Variants in SLC26A7 observed in about 807,000 individuals in gnomAD.
SLC26A7 encodes anion exchange transporter.
Under a neutral mutation model 82.5 loss-of-function variants are expected in SLC26A7, and 59 were observed. The ratio of observed to expected loss-of-function variants is 0.72; its 90% CI spans 0.58 to 0.89. The LOEUF is 0.89. Among genes scored for constraint, SLC26A7 ranks in the 40% least tolerant of loss-of-function variants. The pLI is 0.00. For missense variants in SLC26A7, 820 were observed against 793.0 expected, an observed-to-expected ratio of 1.03 and a Z score of -0.41; for synonymous variants, 271 against 274.3, an observed-to-expected ratio of 0.99 and a Z score of 0.12.
chr8:91,317,217 C>G (rs1427290616), intron 4 of SLC26A7, among the ~76,000 whole-genome samples: 8 of 151,810 alleles, frequency 5.3e-5, no homozygotes, highest in Non-Finnish European at 1.0e-4. Context: ...ATTCCTGTCA[C>G]CTTTTGCCCA....
At chr8:91,356,106 A>C (rs532007050) in intron 11 of SLC26A7, among the ~76,000 whole-genome samples, 1 of 152,116 alleles carries the variant, frequency 6.6e-6, no homozygotes, top group East Asian at 1.9e-4. Flanking sequence ...CATGTGCCAC[A>C]TTTTCTTAAT....
At chr8:91,276,069 T>C (rs1811398408) in intron 2 of SLC26A7, among the ~76,000 whole-genome samples, 1 of 152,220 alleles carries the variant, frequency 6.6e-6, no homozygotes, top group Non-Finnish European at 1.5e-5. Context: ...TTTGAATTAA[T>C]TAAACAATCA....
rs754539742 is a variant in SLC26A7 at position 91,394,230 on chromosome 8, CTGT to C, written c.1935+196_1935+198del. 209 of 1,613,186 alleles carry C rather than the reference CTGT, an allele frequency of 1.3e-4. No homozygotes were observed. The Admixed American group carries it at 3.5e-3, about 27-fold the overall frequency. On this transcript the variant is annotated intron_variant, in intron 18 of 18. Transcript: ENST00000276609. ...ATTCTTTTTTTAGGCCAGTTATAAA[CTGT>C]TGTTTGATAACTTGGATCTTCCAAC... is the stretch of plus-strand genomic sequence containing the variant.
At chr8:91,322,055 G>A (rs1277215954) in intron 5 of SLC26A7, among the ~76,000 whole-genome samples, 1 of 151,910 alleles carries the variant, frequency 6.6e-6, no homozygotes, top group Admixed American at 6.6e-5. Context: ...TTTTTTAAGT[G>A]TCATTTAAGT....
intron 1 of SLC26A7, 44 bp from the exon 2 acceptor site, chr8:91,249,495 A>ATCTC (rs374824026): frequency 5.6e-5 from 25 of 448,050 alleles, no homozygotes; most frequent in Non-Finnish European, 8.0e-5. Context: ...GCTTCTGTTA[A>ATCTC]TCTCTCTCTC....
intron 2 of SLC26A7, among the ~76,000 whole-genome samples, chr8:91,259,379 A>G (rs1349715970): frequency 6.6e-6 from 1 of 152,124 alleles, no homozygotes; most frequent in Non-Finnish European, 1.5e-5. Context: ...GCTCTAGAAC[A>G]GATGTTCTCA....
In SLC26A7 at chr8:91,346,667, T is replaced by C. The variant is rs141829688; in HGVS notation, c.1140+3201T>C. Among the ~76,000 whole-genome samples the C allele has an allele frequency of 5.3e-5, 8 of 152,298 alleles. No homozygotes were observed. The East Asian group carries it at 1.5e-3, about 29-fold the overall frequency. On this transcript the variant is annotated intron_variant, in intron 9 of 18. Coordinates refer to ENST00000276609, the MANE Select transcript of SLC26A7 (RefSeq NM_052832.4). ...TCTGTGGAAAGTTATCTTTACAAAA[T>C]GCAAATGTGGTCATGTTATTTTTGC...
chr8:91,389,464 C>T (rs1814894488), intron 16 of SLC26A7, 26 bp downstream of exon 16: 21 of 1,533,924 alleles, frequency 1.4e-5, no homozygotes, highest in Non-Finnish European at 1.8e-5. Context: ...GTGTTTAGAA[C>T]TGTTTCTTCC....
chr8:91,255,329 A>C (rs140103752), intron 2 of SLC26A7, among the ~76,000 whole-genome samples: 371 of 152,244 alleles, frequency 2.4e-3, no homozygotes, highest in African/African-American at 8.5e-3. Flanking sequence ...TTGTGTGTGG[A>C]AGCTGAGCTT....
chr8:91,352,944 T>C lies in SLC26A7; in HGVS notation c.1262T>C (p.Leu421Pro). 6.2e-7 allele frequency: 1 copy of C among 1,609,160 alleles called. No individual in the cohort carries two copies. The highest frequency in any genetic ancestry group is 8.5e-7 in the Non-Finnish European group (1 of 1,177,620). ...ATTGTTGTGGGACTGAAGGGAATGC[T>C]AATACAGTTCCGAGATTTAAAAAAA... Reference protein sequence around the residue: ...SIIVVGLKGMLIQFRDLKKYW... With the variant: ...SIIVVGLKGMPIQFRDLKKYW... The change falls in exon 11 of 19, where the codon CTA becomes CCA. Residue 421 changes from leucine (L) to proline (P), a missense_variant. By Grantham distance (98) the Leu-to-Pro change is moderately conservative. Coordinates refer to ENST00000276609, the MANE Select transcript of SLC26A7 (RefSeq NM_052832.4).
At chr8:91,363,610 C>G in intron 13 of SLC26A7, 72 bp downstream of exon 13, 1 of 844,614 alleles carries the variant, frequency 1.2e-6, no homozygotes, top group Non-Finnish European at 1.8e-6. Context: ...TAAGACATCA[C>G]AAAAATTAGA....
At chr8:91,251,060 C>T (rs1810643668) in intron 2 of SLC26A7, among the ~76,000 whole-genome samples, 1 of 151,586 alleles carries the variant, frequency 6.6e-6, no homozygotes, top group Non-Finnish European at 1.5e-5. Flanking sequence ...TTTTTTTTAA[C>T]CAGATAGTTT....
intron 15 of SLC26A7, among the ~76,000 whole-genome samples, chr8:91,380,874 T>C (rs889436624): frequency 6.6e-6 from 1 of 152,210 alleles, no homozygotes; most frequent in Non-Finnish European, 1.5e-5. Context: ...TGTCCAAACC[T>C]GGAAATAACT....
At chr8:91,385,107 C>T (rs1814764855) in intron 15 of SLC26A7, among the ~76,000 whole-genome samples, 3 of 152,130 alleles carry the variant, frequency 2.0e-5, no homozygotes, top group African/African-American at 7.2e-5. Flanking sequence ...TAATTACCCA[C>T]CCACACCTGA....
chr8:91,270,704 A>G (rs1316905300), intron 2 of SLC26A7, among the ~76,000 whole-genome samples: 1 of 152,190 alleles, frequency 6.6e-6, no homozygotes, highest in Non-Finnish European at 1.5e-5. Context: ...TTACAGAGGA[A>G]GTTACTAGGA....
At chr8:91,371,142 A>T (rs971267684) in intron 15 of SLC26A7, among the ~76,000 whole-genome samples, 1 of 151,936 alleles carries the variant, frequency 6.6e-6, no homozygotes, top group Admixed American at 6.6e-5. Context: ...AAATAGCATT[A>T]TACATTTTTC....
At chr8:91,393,336 T>G (rs965299636) in intron 16 of SLC26A7, among the ~76,000 whole-genome samples, 9 of 152,118 alleles carry the variant, frequency 5.9e-5, no homozygotes, top group Admixed American at 2.0e-4. Flanking sequence ...GTAATCAAAC[T>G]TGGCTTGGAT....
At chr8:91,372,776 A>C (rs1045476525) in intron 15 of SLC26A7, among the ~76,000 whole-genome samples, 1 of 151,430 alleles carries the variant, frequency 6.6e-6, no homozygotes, top group Non-Finnish European at 1.5e-5. Context: ...AAAGTGATAT[A>C]ATGTGTTAGG....
At position 91,334,301 on chromosome 8, in the gene SLC26A7, G is replaced by T; in HGVS notation, c.649G>T (p.Ala217Ser). 1 of 1,608,628 alleles carries T rather than the reference G, an allele frequency of 6.2e-7. No individual in the cohort carries two copies. Among genetic ancestry groups the T allele is most frequent in the Non-Finnish European group, 8.5e-7 (1 of 1,177,598 alleles). The stretch of plus-strand genomic sequence containing the variant: ...TTTTTTCTCATTACTGTAGATTTAT[G>T]CATATGTTTTTGAAAACATCAAGTC... ...SGPLGFFYIY[A>S]YVFENIKSVR... The change falls in exon 6 of 19, where the codon GCA becomes TCA. Residue 217 changes from alanine (A) to serine (S), a missense_variant. By Grantham distance (99) the Ala-to-Ser change is moderately conservative (BLOSUM62 1). Coordinates refer to ENST00000276609, the MANE Select transcript of SLC26A7 (RefSeq NM_052832.4).
Sources: gnomAD v4.1 joint callset for allele counts (sites outside exome capture counted in the v4.1 genomes callset) on GRCh38, gnomAD v4.1.1 for gene constraint, MANE v1.5 for transcripts, NCBI Gene and HGNC (gene_info 2026-07-23, HGNC 2026-07-21) for gene names.